Variants in LAMA2 observed in about 807,000 individuals in gnomAD.
LAMA2 encodes the protein laminin subunit alpha-2.
In LAMA2, 269 loss-of-function variants were observed where a neutral mutation model predicts 364.8. The ratio of observed to expected loss-of-function variants is 0.74; its 90% CI spans 0.67 to 0.82. The LOEUF (loss-of-function observed/expected upper bound fraction) is 0.82, where lower values mean the gene tolerates loss of function less well. Among genes scored for constraint, LAMA2 ranks in the 40% least tolerant of loss-of-function variants. The pLI, the probability that LAMA2 is intolerant of heterozygous loss-of-function variation, is 0.00. For missense variants in LAMA2, 3,807 were observed against 3,873.2 expected, an observed-to-expected ratio of 0.98 and a Z score of 0.45; for synonymous variants, 1,379 against 1,370.6, an observed-to-expected ratio of 1.01 and a Z score of -0.14.
chr6:129,202,932 C>T (rs1055081889), intron 12 of LAMA2, among the ~76,000 whole-genome samples: 2 of 152,222 alleles, frequency 1.3e-5, no homozygotes, highest in Non-Finnish European at 2.9e-5. Context: ...GTGTATCAAA[C>T]AGGTGAATAG....
At chr6:129,221,202 A>T (rs2115097516) in intron 12 of LAMA2, among the ~76,000 whole-genome samples, 1 of 151,776 alleles carries the variant, frequency 6.6e-6, no homozygotes, top group South Asian at 2.1e-4. Context: ...CTGAACCTAG[A>T]AACGGACCTA....
At chr6:129,264,416 A>G (rs951296321) in intron 15 of LAMA2, among the ~76,000 whole-genome samples, 1 of 152,042 alleles carries the variant, frequency 6.6e-6, no homozygotes, top group African/African-American at 2.4e-5. Context: ...TCCATAGTCC[A>G]GTTTAGAAAT....
At chr6:129,162,699 T>A (rs1779509052) in intron 8 of LAMA2, among the ~76,000 whole-genome samples, 1 of 152,162 alleles carries the variant, frequency 6.6e-6, no homozygotes, top group Non-Finnish European at 1.5e-5. Flanking sequence ...TATCTTTAAT[T>A]CACTAGATGA....
intron 10 of LAMA2, among the ~76,000 whole-genome samples, chr6:129,181,154 T>A (rs1780902962): frequency 6.6e-6 from 1 of 152,104 alleles, no homozygotes; most frequent in Non-Finnish European, 1.5e-5. Flanking sequence ...TCTCCCCTTA[T>A]GTGCTGGCAT....
intron 20 of LAMA2, among the ~76,000 whole-genome samples, chr6:129,294,662 C>T (rs1206012584): frequency 6.6e-6 from 1 of 152,118 alleles, no homozygotes; most frequent in African/African-American, 2.4e-5. Flanking sequence ...TTACAGAGCA[C>T]CTCTGATGGG....
intron 1 of LAMA2, among the ~76,000 whole-genome samples, chr6:128,926,612 A>G (rs1032106880): frequency 1.2e-4 from 18 of 152,224 alleles, no homozygotes; most frequent in African/African-American, 4.3e-4. Flanking sequence ...GCTAACTATT[A>G]TTTAATACTA....
At chr6:129,088,388 C>T (rs62420961) in intron 3 of LAMA2, among the ~76,000 whole-genome samples, 17,391 of 152,094 alleles carry the variant, frequency 0.11, 1,028 homozygotes, top group East Asian at 0.15. Context: ...CATCATGGCC[C>T]GTTCTCAATG....
At chr6:129,191,670 C>G (rs1781531190) in intron 11 of LAMA2, among the ~76,000 whole-genome samples, 1 of 152,228 alleles carries the variant, frequency 6.6e-6, no homozygotes, top group Non-Finnish European at 1.5e-5. Flanking sequence ...TACCTGGTTT[C>G]TATTTCTCAT....
chr6:129,297,524 G>T (rs1465195991), intron 20 of LAMA2, among the ~76,000 whole-genome samples, 161 bp from the exon 21 acceptor site: 1 of 152,118 alleles, frequency 6.6e-6, no homozygotes, highest in Non-Finnish European at 1.5e-5. Flanking sequence ...CATAGAAAAG[G>T]TCCATTTGAT....
intron 12 of LAMA2, among the ~76,000 whole-genome samples, chr6:129,235,554 G>A (rs1396333655): frequency 6.6e-6 from 1 of 152,096 alleles, no homozygotes; most frequent in Non-Finnish European, 1.5e-5. Flanking sequence ...CAACTTTCAT[G>A]GCCCACTTTG....
intron 4 of LAMA2, among the ~76,000 whole-genome samples, chr6:129,127,036 C>T (rs913812673): frequency 1.3e-5 from 2 of 152,150 alleles, no homozygotes; most frequent in East Asian, 3.9e-4. Flanking sequence ...TACTGCACTT[C>T]AGCCTGGATG....
At chr6:129,071,931 C>A (rs1482937747) in intron 3 of LAMA2, among the ~76,000 whole-genome samples, 2 of 152,074 alleles carry the variant, frequency 1.3e-5, no homozygotes, top group Non-Finnish European at 2.9e-5. Context: ...AGTTCAAGAC[C>A]AGTGTGGGCA....
chr6:129,077,093 A>G (rs919814655), intron 3 of LAMA2, among the ~76,000 whole-genome samples: 1 of 152,156 alleles, frequency 6.6e-6, no homozygotes, highest in African/African-American at 2.4e-5. Flanking sequence ...TACTATTTCC[A>G]TACTAAAAGC....
At chr6:128,883,396 G>A (rs1775927511) in intron 1 of LAMA2, 39 bp downstream of exon 1, 1 of 1,554,338 alleles carries the variant, frequency 6.4e-7, no homozygotes, top group African/African-American at 1.4e-5. Context: ...ATCCTTTGCC[G>A]GGACCGAGAT....
At chr6:129,315,331 C>A in intron 24 of LAMA2, 145 bp from the exon 25 acceptor site, 1 of 691,382 alleles carries the variant, frequency 1.4e-6, no homozygotes. Flanking sequence ...GCCATGCTTG[C>A]CCACTGCGTG....
chr6:129,337,783 T>C (rs763434673), intron 29 of LAMA2, among the ~76,000 whole-genome samples: 8 of 152,132 alleles, frequency 5.3e-5, no homozygotes, highest in Non-Finnish European at 1.2e-4. Flanking sequence ...ATTGAAGAGA[T>C]ACTAGCACAT....
chr6:128,953,842 T>C (rs1780990776), intron 1 of LAMA2, among the ~76,000 whole-genome samples: 1 of 152,144 alleles, frequency 6.6e-6, no homozygotes, highest in Admixed American at 6.6e-5. Context: ...AGAAGGTAGT[T>C]TCTCAGGTGT....
At chr6:128,916,692 C>T (rs1190155948) in intron 1 of LAMA2, among the ~76,000 whole-genome samples, 2 of 152,198 alleles carry the variant, frequency 1.3e-5, no homozygotes, top group Non-Finnish European at 2.9e-5. Flanking sequence ...AGCCAGGAGA[C>T]ATCCTACAAC....
chr6:129,215,355 GT>G (rs201309701), intron 12 of LAMA2, among the ~76,000 whole-genome samples: 2,428 of 152,284 alleles, frequency 0.016, 57 homozygotes, highest in African/African-American at 0.056. Flanking sequence ...GCTATGTTAT[GT>G]TAGCTGCAAT....
Sources: gnomAD v4.1 joint callset for allele counts (sites outside exome capture counted in the v4.1 genomes callset) on GRCh38, gnomAD v4.1.1 for gene constraint, MANE v1.5 for transcripts, NCBI Gene and HGNC (gene_info 2026-07-23, HGNC 2026-07-21) for gene names.